Variants in DOCK4 observed in about 807,000 individuals in gnomAD.
DOCK4 encodes dedicator of cytokinesis protein 4.
In DOCK4, 97 loss-of-function variants were observed where a neutral mutation model predicts 268.1. That is an observed-to-expected ratio of 0.36 (90% CI 0.31 to 0.43). The LOEUF (loss-of-function observed/expected upper bound fraction) is 0.43. Among genes scored for constraint, DOCK4 ranks in the 20% least tolerant of loss-of-function variants. The pLI, the probability that DOCK4 is intolerant of heterozygous loss-of-function variation, is 1.00. For synonymous variants in DOCK4, 954 were observed against 887.2 expected (o/e 1.08, Z -1.34); for missense variants, 2,145 against 2,455.7 (o/e 0.87, Z 2.67).
chr7:111,728,294 G>C lies in DOCK4; in HGVS notation c.5908C>G (p.Arg1970Gly), dbSNP rs778181553. The C allele has an allele frequency of 6.7e-7, 1 of 1,497,926 alleles. No individual in the cohort carries two copies. Among genetic ancestry groups the C allele is most frequent in the Admixed American group, 2.3e-5 (1 of 42,720 alleles). The allele number at this position is 1,497,926 out of a possible 1,614,324, so 92.8% of individuals were successfully genotyped here. A position where few individuals can be genotyped will look rare whatever the true frequency, so the allele number is the denominator to read the frequency against. The change falls in exon 53 of 53, where the codon CGC (arginine) becomes GGC (glycine). Residue 1970 changes from arginine (R) to glycine (G), a missense_variant. Around this residue, in one of 2 missense-constraint regions of DOCK4, gnomAD observed 547 missense variants for 469.0 expected, o/e 1.17. Coordinates refer to ENST00000428084, the MANE Select transcript of DOCK4 (RefSeq NM_001363540.2). The part of the protein sequence containing the change: ...DPGPRPRPLP[R>G]KVSQL ...GTGACTTATAACTGAGAGACCTTGCGGGGCAGGGGCCTGGGCCGCGGGCCG... is the reference window on the plus strand; with the variant it reads ...GTGACTTATAACTGAGAGACCTTGCCGGGCAGGGGCCTGGGCCGCGGGCCG...
chr7:112,105,569 T>TAAAAAA (rs11371769), intron 1 of DOCK4, among the ~76,000 whole-genome samples: 2 of 147,904 alleles, frequency 1.4e-5, no homozygotes, highest in Non-Finnish European at 1.5e-5. Context: ...ACAACAAATC[T>TAAAAAA]AAAAAAAAAA....
chr7:112,068,731 T>G (rs1807305726), intron 1 of DOCK4, among the ~76,000 whole-genome samples: 1 of 152,206 alleles, frequency 6.6e-6, no homozygotes. Context: ...TCATTCATCC[T>G]GCATCCCCAA....
intron 1 of DOCK4, among the ~76,000 whole-genome samples, chr7:112,011,070 G>A (rs1414804774): frequency 6.6e-6 from 1 of 152,174 alleles, no homozygotes; most frequent in Non-Finnish European, 1.5e-5. Context: ...CAGCTGAAGA[G>A]AGCTGCTTTG....
intron 1 of DOCK4, among the ~76,000 whole-genome samples, chr7:112,181,790 G>A (rs895952604): frequency 2.6e-5 from 4 of 152,054 alleles, no homozygotes; most frequent in African/African-American, 7.2e-5. Flanking sequence ...TGGATTGAAC[G>A]GTACGTGCAC....
intron 1 of DOCK4, among the ~76,000 whole-genome samples, chr7:112,054,586 C>T (rs1805654920): frequency 1.3e-5 from 2 of 151,834 alleles, no homozygotes; most frequent in Non-Finnish European, 2.9e-5. Context: ...AACAAAACTA[C>T]AAAATAATGA....
At chr7:112,112,367 G>C (rs1811743055) in intron 1 of DOCK4, among the ~76,000 whole-genome samples, 1 of 152,200 alleles carries the variant, frequency 6.6e-6, no homozygotes, top group Non-Finnish European at 1.5e-5. Flanking sequence ...GAGCTGGCTG[G>C]GTGTGGTGGC....
intron 12 of DOCK4, among the ~76,000 whole-genome samples, chr7:111,928,786 A>C (rs1316687415): frequency 6.6e-6 from 1 of 151,854 alleles, no homozygotes; most frequent in Non-Finnish European, 1.5e-5. Context: ...ATGGGTTTTC[A>C]CCACGTTGGT....
intron 7 of DOCK4, among the ~76,000 whole-genome samples, chr7:111,979,868 C>T (rs1310284041): frequency 6.6e-6 from 1 of 152,192 alleles, no homozygotes; most frequent in East Asian, 1.9e-4. Context: ...GGTTCTCAAC[C>T]TTGGCTGCAG....
intron 22 of DOCK4, among the ~76,000 whole-genome samples, chr7:111,864,243 TA>T (rs11423422): frequency 2.6e-3 from 366 of 140,790 alleles, no homozygotes; most frequent in Middle Eastern, 0.015. Flanking sequence ...TATTTTTATG[TA>T]AAAAAAAAAA....
At chr7:111,987,723 A>G (rs1799161497) in intron 6 of DOCK4, among the ~76,000 whole-genome samples, 1 of 152,188 alleles carries the variant, frequency 6.6e-6, no homozygotes, top group Admixed American at 6.5e-5. Context: ...CCTTCAACAG[A>G]TGAGGAACTG....
intron 1 of DOCK4, among the ~76,000 whole-genome samples, chr7:112,124,030 T>G (rs957661231): frequency 6.8e-6 from 1 of 147,224 alleles, no homozygotes; most frequent in Non-Finnish European, 1.5e-5. Flanking sequence ...ACTAAAAACT[T>G]TTTTTTTTTT....
At chr7:111,969,293 G>T (rs1231889479) in intron 8 of DOCK4, among the ~76,000 whole-genome samples, 2 of 150,346 alleles carry the variant, frequency 1.3e-5, no homozygotes, top group Non-Finnish European at 2.9e-5. Context: ...TATGGCTCCA[G>T]CTTCCAATTC....
intron 1 of DOCK4, among the ~76,000 whole-genome samples, chr7:112,025,299 C>T (rs1352795591): frequency 1.3e-5 from 2 of 152,176 alleles, no homozygotes; most frequent in East Asian, 1.9e-4. Context: ...AGGCTCTATG[C>T]AAGGGAAATC....
At chr7:111,855,705 G>C (rs949476071) in intron 23 of DOCK4, among the ~76,000 whole-genome samples, 2 of 152,108 alleles carry the variant, frequency 1.3e-5, no homozygotes, top group African/African-American at 2.4e-5. Context: ...TGGCACCCTG[G>C]AAACTTGCCC....
At chr7:112,043,433 CAAT>C (rs774573959) in intron 1 of DOCK4, among the ~76,000 whole-genome samples, 13 of 152,098 alleles carry the variant, frequency 8.5e-5, no homozygotes, top group Non-Finnish European at 1.9e-4. Context: ...AAACACACAA[CAAT>C]GAGATGTTAC....
chr7:112,039,818 T>C (rs1804195186), intron 1 of DOCK4, among the ~76,000 whole-genome samples: 1 of 152,218 alleles, frequency 6.6e-6, no homozygotes. Flanking sequence ...TTGAGTTAAA[T>C]AATAACACCT....
chr7:111,818,263 G>A (rs1213052952), intron 27 of DOCK4, among the ~76,000 whole-genome samples: 1 of 152,050 alleles, frequency 6.6e-6, no homozygotes, highest in South Asian at 2.1e-4. Context: ...GAGCCCAAAC[G>A]CACATGTCCA....
intron 25 of DOCK4, among the ~76,000 whole-genome samples, chr7:111,840,371 AAC>A (rs768014757): frequency 1.3e-5 from 2 of 152,226 alleles, no homozygotes. Context: ...AATGTTATTT[AAC>A]AGAGTTACGA....
chr7:111,842,849 A>T (rs1384982314), intron 25 of DOCK4, among the ~76,000 whole-genome samples: 2 of 152,210 alleles, frequency 1.3e-5, no homozygotes, highest in Non-Finnish European at 2.9e-5. Context: ...CTCAGCTGTC[A>T]AAGGAAACCA....
Sources: gnomAD v4.1 joint callset for allele counts (sites outside exome capture counted in the v4.1 genomes callset) on GRCh38, gnomAD v4.1.1 for gene constraint, gnomAD v4.1.1 regional missense constraint, MANE v1.5 for transcripts, NCBI Gene and HGNC (gene_info 2026-07-23, HGNC 2026-07-21) for gene names.